PRSS23: variants seen among roughly 807,000 people sequenced by gnomAD.
PRSS23 encodes protease, serine 23.
In PRSS23, 25 loss-of-function variants were observed where a neutral mutation model predicts 34.7. The ratio of observed to expected loss-of-function variants is 0.72; its 90% CI spans 0.53 to 1.01. The LOEUF is 1.01. PRSS23 is among the 50% of genes least tolerant of loss of function. The pLI is 0.00. For synonymous variants in PRSS23, 176 were observed against 186.6 expected, an observed-to-expected ratio of 0.94 and a Z score of 0.46; for missense variants, 445 against 475.6, an observed-to-expected ratio of 0.94 and a Z score of 0.60.
At chr11:86,939,848 A>T (rs1949195862) in intron 2 of PRSS23, among the ~76,000 whole-genome samples, 1 of 151,810 alleles carries the variant, frequency 6.6e-6, no homozygotes, top group Non-Finnish European at 1.5e-5. Context: ...GAAAAATGTT[A>T]TACTGAATTT....
intron 2 of PRSS23, among the ~76,000 whole-genome samples, chr11:86,867,803 G>C (rs371793619): frequency 5.1e-4 from 76 of 150,320 alleles, no homozygotes; most frequent in African/African-American, 1.7e-3. Flanking sequence ...CTTGAGCCCA[G>C]GAGGCTAAGG....
intron 1 of PRSS23, among the ~76,000 whole-genome samples, chr11:86,806,440 C>A (rs901901850): frequency 2.0e-5 from 3 of 152,284 alleles, no homozygotes; most frequent in East Asian, 3.9e-4. Flanking sequence ...ACTGAATGAC[C>A]GAAGCATCAA....
At chr11:86,861,473 T>C (rs1023082579) in intron 2 of PRSS23, among the ~76,000 whole-genome samples, 4 of 151,600 alleles carry the variant, frequency 2.6e-5, no homozygotes, top group Admixed American at 2.0e-4. Flanking sequence ...TGGGGAAGTG[T>C]ATGATATAAT....
At chr11:86,791,433 G>A (rs973723543) in intron 1 of PRSS23, among the ~76,000 whole-genome samples, 4 of 152,200 alleles carry the variant, frequency 2.6e-5, no homozygotes, top group African/African-American at 9.6e-5. Context: ...TTCTGAAAAA[G>A]GAGGAAGCAA....
chr11:86,943,362 C>T (rs765669230), intron 2 of PRSS23, among the ~76,000 whole-genome samples: 9 of 152,258 alleles, frequency 5.9e-5, no homozygotes, highest in East Asian at 3.8e-4. Context: ...CGGTGGCTTA[C>T]GCCTGTAATC....
At chr11:86,835,792 C>T (rs1294614246) in intron 2 of PRSS23, among the ~76,000 whole-genome samples, 1 of 152,152 alleles carries the variant, frequency 6.6e-6, no homozygotes, top group Admixed American at 6.5e-5. Flanking sequence ...CTTGTAGCCA[C>T]AGGTAGTGAG....
At chr11:86,943,265 T>C (rs1758329958) in intron 2 of PRSS23, among the ~76,000 whole-genome samples, 1 of 152,236 alleles carries the variant, frequency 6.6e-6, no homozygotes, top group African/African-American at 2.4e-5. Flanking sequence ...AAGCTTATGG[T>C]CAGATCTCAT....
intron 2 of PRSS23, among the ~76,000 whole-genome samples, chr11:86,908,641 T>C (rs890412555): frequency 2.6e-5 from 4 of 152,178 alleles, no homozygotes; most frequent in Non-Finnish European, 5.9e-5. Context: ...TTACAGAAAC[T>C]TTGCGGTCCA....
At chr11:86,850,959 G>T (rs1233507338) in intron 2 of PRSS23, among the ~76,000 whole-genome samples, 2 of 152,046 alleles carry the variant, frequency 1.3e-5, no homozygotes, top group African/African-American at 4.8e-5. Context: ...TCTCACTCTG[G>T]CTACCCATTC....
chr11:86,948,367 G>A (rs2135035269), intron 2 of PRSS23: 1 of 152,030 alleles, frequency 6.6e-6, no homozygotes, highest in East Asian at 1.9e-4. Context: ...CTTTACTACA[G>A]TCGGCACTCA....
intron 2 of PRSS23, among the ~76,000 whole-genome samples, chr11:86,873,475 G>A (rs1401712191): frequency 6.6e-6 from 1 of 151,546 alleles, no homozygotes; most frequent in Non-Finnish European, 1.5e-5. Flanking sequence ...TAGAGTCGGG[G>A]TTTTCCTATG....
exon 3 of PRSS23, chr11:86,952,179 A>G: frequency 6.2e-7 from 1 of 1,613,032 alleles, no homozygotes; most frequent in Non-Finnish European, 8.5e-7. Flanking sequence ...CTTTTCACCC[A>G]GATGTACTGA....
downstream of PRSS23, chr11:86,811,259 T>C (rs1358109263): frequency 6.0e-6 from 1 of 166,426 alleles, no homozygotes; most frequent in African/African-American, 2.4e-5. Context: ...ATAATGCCTA[T>C]AAGCAATCTG....
intron 1 of PRSS23, among the ~76,000 whole-genome samples, chr11:86,818,193 C>T (rs898598121): frequency 6.6e-5 from 10 of 152,260 alleles, no homozygotes; most frequent in African/African-American, 2.4e-4. Context: ...TATTACATAC[C>T]TAAAAACTTT....
At chr11:86,893,484 T>C (rs1003596072) in intron 2 of PRSS23, among the ~76,000 whole-genome samples, 2 of 152,226 alleles carry the variant, frequency 1.3e-5, no homozygotes, top group Non-Finnish European at 2.9e-5. Context: ...GAAACATTGT[T>C]CTGCTATGTC....
rs1223443624 is a variant in PRSS23 at position 86,800,669 on chromosome 11, C to G, written c.-14+18C>G. ...CGGCGCGGGTGAGTGCGGGCACCGA[C>G]TGGGGCATCCGCCCGGGCGCGGGAG... is the stretch of plus-strand genomic sequence containing the variant. On this transcript the variant is annotated intron_variant, in intron 1 of 1. Transcript: ENST00000280258. The G allele has an allele frequency of 2.0e-6, 2 of 983,482 alleles. No individual in the cohort carries two copies. The highest frequency in any genetic ancestry group is 1.7e-5 in the African/African-American group (1 of 57,190). The allele number at this position is 983,482 out of a possible 1,614,324, so 60.9% of individuals were successfully genotyped here.
intron 2 of PRSS23, among the ~76,000 whole-genome samples, chr11:86,843,888 A>G (rs2555538): frequency 0.42 from 63,335 of 152,024 alleles, 13,465 homozygotes; most frequent in East Asian, 0.48. Context: ...TAGAAATACC[A>G]TCTGACCCAG....
chr11:86,939,426 A>ATATATATTTTTT lies in PRSS23; in HGVS notation c.207-11789_207-11788insATATATTTTTTT. 5.2e-3 allele frequency among the ~76,000 whole-genome samples: 483 copies of ATATATATTTTTT among 93,396 alleles called. 16 individuals carry two copies. Among genetic ancestry groups the ATATATATTTTTT allele is most frequent in the Non-Finnish European group, 8.2e-3 (352 of 42,684 alleles). 61.3% of individuals were successfully genotyped at this position (93,396 alleles called of 152,430 possible). On this transcript the variant is annotated intron_variant, in intron 2 of 2. Transcript: ENST00000533902. ...AAAATATATATATATATATATATATATTTTTTAACATGAGTAAAAATTGCA... is the reference window on the plus strand; with the variant it reads ...AAAATATATATATATATATATATATATATATATTTTTTTTTTTTAACATGAGTAAAAATTGCA...
At chr11:86,841,309 A>G (rs1948445748) in intron 2 of PRSS23, among the ~76,000 whole-genome samples, 1 of 144,060 alleles carries the variant, frequency 6.9e-6, no homozygotes, top group African/African-American at 2.6e-5. Context: ...ATTGCACTCC[A>G]GCCTGGGCAA....
Sources: allele counts gnomAD v4.1 joint callset (sites outside exome capture counted in the v4.1 genomes callset), GRCh38; gene constraint gnomAD v4.1.1; transcripts MANE v1.5; gene names NCBI Gene and HGNC (gene_info 2026-07-23, HGNC 2026-07-21).